The following TMEM232 variants were observed in gnomAD, a reference collection of about 807,000 sequenced individuals.
TMEM232 encodes transmembrane protein 232.
TMEM232 carries 80 observed loss-of-function variants against 78.8 expected under a neutral mutation model. The observed-to-expected ratio is 1.01, with a 90% CI of 0.85 to 1.22. The LOEUF (loss-of-function observed/expected upper bound fraction) is 1.22, where lower values mean the gene tolerates loss of function less well. Ranked by LOEUF, TMEM232 falls within the 50% of genes most tolerant of loss-of-function variation. The probability of loss-of-function intolerance (pLI) is 0.00; values close to 1 mark genes in which losing one functional copy is unlikely to be tolerated. For synonymous variants in TMEM232, 297 were observed against 254.3 expected (o/e 1.17, Z -1.60); for missense variants, 881 against 742.2 (o/e 1.19, Z -2.17).
At position 110,511,550 on chromosome 5, in the gene TMEM232, C is replaced by T. The variant is rs12521758; in HGVS notation, c.1703+17038G>A. Among the ~76,000 whole-genome samples, 647 of 151,874 alleles carry T rather than the reference C, an allele frequency of 4.3e-3. 20 individuals are homozygous for T. In the East Asian group the frequency reaches 0.05, roughly 12 times the overall value. Reference sequence around the variant, plus strand: ...TTTATAGATTATTTTATACTATATTCATTTATGTAATAATAATAAACTTTT... The same window carrying T: ...TTTATAGATTATTTTATACTATATTTATTTATGTAATAATAATAAACTTTT... On this transcript the variant is annotated intron_variant, in intron 12 of 13. Coordinates refer to ENST00000455884, the MANE Select transcript of TMEM232 (RefSeq NM_001039763.4).
At chr5:110,443,558 G>A (rs938339681) in intron 12 of TMEM232, among the ~76,000 whole-genome samples, 11 of 152,144 alleles carry the variant, frequency 7.2e-5, no homozygotes, top group African/African-American at 2.7e-4. Flanking sequence ...GGGACACCAA[G>A]AGCCTGTTTG....
Position 110,462,480 on chromosome 5 carries a change from G to C in TMEM232, c.1704-37564C>G, listed in dbSNP as rs552433478. ...AAAAGCAGGCAGAGGAACATGGAAA[G>C]ACAAGACTGGCTTAGTCTTCCAGCC... On this transcript the variant is annotated intron_variant, in intron 12 of 13. Coordinates refer to ENST00000455884, the MANE Select transcript of TMEM232 (RefSeq NM_001039763.4). 3.9e-5 allele frequency among the ~76,000 whole-genome samples: 6 copies of C among 152,300 alleles called. No individual in the cohort carries two copies. In the South Asian group the frequency reaches 1.2e-3, roughly 32 times the overall value.
intron 10 of TMEM232, among the ~76,000 whole-genome samples, chr5:110,589,276 G>A (rs574273480): frequency 4.3e-4 from 66 of 152,176 alleles, no homozygotes; most frequent in African/African-American, 1.5e-3. Flanking sequence ...CTATAACATG[G>A]GAAGTGTTTT....
Position 110,606,159 on chromosome 5 carries a change from G to C in TMEM232, c.1026+5C>G. The C allele has an allele frequency of 6.5e-7, 1 of 1,533,268 alleles. No homozygotes were observed. 95.0% of individuals were successfully genotyped at this position (1,533,268 alleles called of 1,614,324 possible). On this transcript the variant is annotated splice_donor_5th_base_variant and intron_variant, in intron 9 of 13. Transcript: ENST00000455884. ...CTCTTTTCACATATAAATTAGCAAT[G>C]TTACCTGATTTTGAACAGACATAAT...
chr5:110,692,212 G>A (rs1350458583), intron 1 of TMEM232, among the ~76,000 whole-genome samples: 3 of 152,116 alleles, frequency 2.0e-5, no homozygotes, highest in Non-Finnish European at 2.9e-5. Flanking sequence ...CAGCCACGAC[G>A]CCCGGCCACA....
intron 2 of TMEM232, among the ~76,000 whole-genome samples, chr5:110,645,200 A>G (rs1787313578): frequency 1.3e-5 from 2 of 151,748 alleles, no homozygotes; most frequent in Non-Finnish European, 3.0e-5. Flanking sequence ...AAAATACAAG[A>G]AGGAACACTT....
chr5:110,459,281 T>G lies in TMEM232; in HGVS notation c.1704-34365A>C, dbSNP rs313608. On this transcript the variant is annotated intron_variant, in intron 12 of 13. Coordinates refer to ENST00000455884, the MANE Select transcript of TMEM232 (RefSeq NM_001039763.4). The stretch of plus-strand genomic sequence containing the variant: ...TCTTTAGACTATGTGGACAAACTCT[T>G]ATTTGAACTGAGTTTTATTCTTTGA... 3.9e-5 allele frequency among the ~76,000 whole-genome samples: 6 copies of G among 152,146 alleles called. No individual in the cohort carries two copies. In the East Asian group the frequency reaches 1.2e-3, roughly 29 times the overall value.
chr5:110,601,144 A>G (rs1179075975), intron 10 of TMEM232, among the ~76,000 whole-genome samples: 1 of 152,226 alleles, frequency 6.6e-6, no homozygotes, highest in African/African-American at 2.4e-5. Context: ...CTGGGTATTG[A>G]TGAACATATC....
At chr5:110,550,222 T>C (rs909560996) in intron 11 of TMEM232, among the ~76,000 whole-genome samples, 3 of 152,198 alleles carry the variant, frequency 2.0e-5, no homozygotes, top group Admixed American at 6.5e-5. Context: ...AAATGATGCA[T>C]GAAATGTATT....
chr5:110,642,435 A>G (rs1005651680), intron 2 of TMEM232, 64 bp from the exon 3 acceptor site: 25 of 1,163,004 alleles, frequency 2.1e-5, no homozygotes, highest in Admixed American at 6.1e-5. Context: ...ATTTCAATTA[A>G]TCAACTTCCA....
At chr5:110,520,584 C>T (rs992883744) in intron 12 of TMEM232, among the ~76,000 whole-genome samples, 6 of 152,152 alleles carry the variant, frequency 3.9e-5, no homozygotes, top group Non-Finnish European at 5.9e-5. Flanking sequence ...TTTGTTCCAT[C>T]CTGTATTGCT....
intron 1 of TMEM232, among the ~76,000 whole-genome samples, chr5:110,686,012 T>A (rs1297943411): frequency 6.6e-6 from 1 of 151,970 alleles, no homozygotes; most frequent in Non-Finnish European, 1.5e-5. Context: ...ATGGAAATAT[T>A]ATATATTAGG....
chr5:110,593,461 T>C (rs1779775739), intron 10 of TMEM232, among the ~76,000 whole-genome samples: 1 of 152,236 alleles, frequency 6.6e-6, no homozygotes, highest in African/African-American at 2.4e-5. Context: ...AGATTTTCTT[T>C]ATCCATTCAT....
At chr5:110,408,166 A>G (rs1755863025) in intron 2 of TMEM232, among the ~76,000 whole-genome samples, 1 of 152,208 alleles carries the variant, frequency 6.6e-6, no homozygotes, top group Non-Finnish European at 1.5e-5. Flanking sequence ...CCTATATTAA[A>G]AAAGTAGAAA....
At chr5:110,724,520 C>A (rs760418471) in intron 1 of TMEM232, among the ~76,000 whole-genome samples, 1 of 152,166 alleles carries the variant, frequency 6.6e-6, no homozygotes, top group Non-Finnish European at 1.5e-5. Context: ...CTCAAACTGA[C>A]AAGCTAGAAA....
intron 8 of TMEM232, among the ~76,000 whole-genome samples, chr5:110,613,911 T>C (rs943475383): frequency 6.6e-6 from 1 of 152,044 alleles, no homozygotes; most frequent in African/African-American, 2.4e-5. Context: ...TTTGGTATAA[T>C]GTTATTATTA....
intron 12 of TMEM232, among the ~76,000 whole-genome samples, chr5:110,454,187 A>G (rs1760630086): frequency 6.6e-6 from 1 of 152,228 alleles, no homozygotes; most frequent in Non-Finnish European, 1.5e-5. Flanking sequence ...ATATTCTAAC[A>G]ACAGCAGAAT....
chr5:110,685,120 G>T (rs1045186453), intron 1 of TMEM232, among the ~76,000 whole-genome samples: 3 of 151,696 alleles, frequency 2.0e-5, no homozygotes, highest in African/African-American at 7.3e-5. Flanking sequence ...GGTCACCTAC[G>T]GCTCAAAAAA....
intron 1 of TMEM232, among the ~76,000 whole-genome samples, chr5:110,721,874 A>C (rs530228631): frequency 3.3e-4 from 50 of 151,672 alleles, no homozygotes; most frequent in East Asian, 7.8e-4. Flanking sequence ...ATCTTAGAAG[A>C]AGCAGCTATG....
Sources: allele counts gnomAD v4.1 joint callset (sites outside exome capture counted in the v4.1 genomes callset), GRCh38; gene constraint gnomAD v4.1.1; transcripts MANE v1.5; gene names NCBI Gene and HGNC (gene_info 2026-07-23, HGNC 2026-07-21).